Variants in SRGN observed in about 807,000 individuals in gnomAD.
SRGN encodes the protein serglycin, also known as hematopoetic proteoglycan core peptide.
SRGN carries 2 observed loss-of-function variants against 9.5 expected under a neutral mutation model. That is an observed-to-expected ratio of 0.21 (90% CI 0.09 to 0.66). The LOEUF is 0.66. Ranked by LOEUF, SRGN falls within the 30% of genes least tolerant of loss-of-function variation. The pLI, the probability that SRGN is intolerant of heterozygous loss-of-function variation, is 0.83. For missense variants in SRGN, 170 were observed against 192.4 expected (o/e 0.88, Z 0.69); for synonymous variants, 59 against 72.3 (o/e 0.82, Z 0.93).
chr10:69,088,131 A>C lies in SRGN; in HGVS notation c.-27A>C. The C allele has an allele frequency of 1.9e-6, 3 of 1,606,870 alleles. No homozygotes were observed. The highest frequency in any genetic ancestry group is 2.6e-6 in the Non-Finnish European group (3 of 1,173,530). ...TTTCCTAATCAAGAAGTTGGCGTGC[A>C]GCTGGGAGAGCTAGACTAAGTTGGT... On this transcript the variant is annotated 5_prime_UTR_variant, in exon 1 of 3. Transcript: ENST00000242465.
intron 2 of SRGN, among the ~76,000 whole-genome samples, chr10:69,099,371 T>C (rs1450133694): frequency 1.3e-5 from 2 of 151,120 alleles, no homozygotes; most frequent in East Asian, 3.9e-4. Context: ...AGTGGTGTGA[T>C]CATAGCTCAC....
chr10:69,102,242 A>T (rs1840308310), intron 2 of SRGN, among the ~76,000 whole-genome samples: 1 of 152,088 alleles, frequency 6.6e-6, no homozygotes, highest in African/African-American at 2.4e-5. Flanking sequence ...GACGACCTCC[A>T]TCGGTTGCAT....
chr10:69,088,587 G>A lies in SRGN; in HGVS notation c.79+351G>A, dbSNP rs902929791. 6.6e-5 allele frequency among the ~76,000 whole-genome samples: 10 copies of A among 152,174 alleles called. No homozygotes were observed. The East Asian group carries it at 1.7e-3, about 26-fold the overall frequency. On this transcript the variant is annotated intron_variant, in intron 1 of 2. Transcript: ENST00000242465. Reference sequence around the variant, plus strand: ...ATGGCACCTTTGACTGTTGGGGGGTGTCTGCCTACCCCTAAGTGTCTACAT... The same window carrying A: ...ATGGCACCTTTGACTGTTGGGGGGTATCTGCCTACCCCTAAGTGTCTACAT...
At chr10:69,095,304 T>G (rs949864432) in intron 1 of SRGN, among the ~76,000 whole-genome samples, 3 of 99,292 alleles carry the variant, frequency 3.0e-5, no homozygotes, top group African/African-American at 1.1e-4. Flanking sequence ...CGAGACTTCA[T>G]CTCAAAAAAA....
chr10:69,096,297 T>C (rs1840174606), intron 1 of SRGN, among the ~76,000 whole-genome samples: 1 of 152,220 alleles, frequency 6.6e-6, no homozygotes, highest in African/African-American at 2.4e-5. Flanking sequence ...AATTTTCTTT[T>C]GTGTAAAATT....
intron 1 of SRGN, among the ~76,000 whole-genome samples, chr10:69,092,462 G>A (rs116690384): frequency 0.011 from 1,633 of 152,212 alleles, 34 homozygotes; most frequent in African/African-American, 0.037. Context: ...TTGAGATAGT[G>A]TTCACATACC....
rs778190926 is a variant in SRGN, at chr10:69,088,112, A to G, written c.-46A>G. 1 of 1,541,534 alleles carries G rather than the reference A, an allele frequency of 6.5e-7. No homozygotes were observed. The highest frequency in any genetic ancestry group is 1.4e-5 in the African/African-American group (1 of 73,556). On this transcript the variant is annotated 5_prime_UTR_variant, in exon 1 of 3. Transcript: ENST00000242465. ...CAGAGAGCACCCTGCTACATTTCCT[A>G]ATCAAGAAGTTGGCGTGCAGCTGGG...
In SRGN at chr10:69,104,086, G is replaced by C; in HGVS notation, c.443G>C (p.Gly148Ala). Residue 148 changes from glycine to alanine, a missense_variant, in exon 3 of 3, where the codon GGT becomes GCT. Coordinates refer to ENST00000242465, the MANE Select transcript of SRGN (RefSeq NM_002727.4). ...RNLPSDSQDL[G>A]QHGLEEDFML is the part of the protein sequence containing the mutation. Reference sequence around the variant, plus strand: ...CTGCCCTCAGACAGCCAGGACTTGGGTCAACATGGATTAGAAGAGGATTTT... The same window carrying C: ...CTGCCCTCAGACAGCCAGGACTTGGCTCAACATGGATTAGAAGAGGATTTT... The C allele has an allele frequency of 6.2e-7, 1 of 1,614,164 alleles. No homozygotes were observed. Among genetic ancestry groups the C allele is most frequent in the East Asian group, 2.2e-5 (1 of 44,882 alleles).
At chr10:69,096,738 G>T (rs1222275144) in intron 1 of SRGN, among the ~76,000 whole-genome samples, 1 of 152,146 alleles carries the variant, frequency 6.6e-6, no homozygotes, top group East Asian at 1.9e-4. Context: ...CACACTGGGA[G>T]GCCAAGGCAG....
intron 2 of SRGN, among the ~76,000 whole-genome samples, chr10:69,099,550 C>T (rs1272733658): frequency 6.6e-6 from 1 of 152,018 alleles, no homozygotes; most frequent in Non-Finnish European, 1.5e-5. Context: ...AGCAGTCCTC[C>T]CACCTCAGCC....
At chr10:69,103,499 C>T (rs1056108645) in intron 2 of SRGN, among the ~76,000 whole-genome samples, 2 of 152,090 alleles carry the variant, frequency 1.3e-5, no homozygotes, top group African/African-American at 4.8e-5. Context: ...GCCGAGATGG[C>T]ACCACTGCAC....
chr10:69,091,632 A>G (rs374678826), intron 1 of SRGN, among the ~76,000 whole-genome samples: 1 of 152,130 alleles, frequency 6.6e-6, no homozygotes, highest in African/African-American at 2.4e-5. Context: ...TAGTCTTAGC[A>G]CTTTGGGAGA....
intron 1 of SRGN, among the ~76,000 whole-genome samples, chr10:69,091,902 A>G (rs1386727130): frequency 2.1e-4 from 19 of 90,430 alleles, no homozygotes; most frequent in East Asian, 3.3e-4. Flanking sequence ...AAAAAAAAAA[A>G]AAAAAAGAAA....
Position 69,103,943 on chromosome 10 carries a change from C to G in SRGN, c.300C>G (p.Ser100=), listed in dbSNP as rs4892. 1.3e-5 allele frequency: 21 copies of G among 1,614,116 alleles called. No individual in the cohort carries two copies. The South Asian group carries it at 2.3e-4, about 18-fold the overall frequency. ...SEDYSGSGFG[S]GSGSGSGSGS... The stretch of plus-strand genomic sequence containing the variant: ...ACTACTCTGGATCAGGCTTCGGCTC[C>G]GGCTCCGGCTCTGGATCAGGATCTG... The change falls in exon 3 of 3, where the codon TCC becomes TCG. Residue 100 remains serine, a synonymous_variant. Coordinates refer to ENST00000242465, the MANE Select transcript of SRGN (RefSeq NM_002727.4).
intron 2 of SRGN, among the ~76,000 whole-genome samples, chr10:69,101,850 C>T (rs1840298433): frequency 6.6e-6 from 1 of 152,130 alleles, no homozygotes; most frequent in South Asian, 2.1e-4. Flanking sequence ...AGTTCAGGAC[C>T]AGCCTGCCTG....
rs1839978280 is a variant in SRGN, at chr10:69,088,179, T to C, written c.22T>C (p.Cys8Arg). The change falls in exon 1 of 3, where the codon TGC becomes CGC. Residue 8 changes from cysteine (C) to arginine (R), a missense_variant. By Grantham distance (180) the Cys-to-Arg change is radical. Transcript: ENST00000242465. MMQKLLK[C>R]SRLVLALALI... ...GGTCATGATGCAGAAGCTACTCAAA[T>C]GCAGTCGGCTTGTCCTGGCTCTTGC... 3 of 1,614,094 alleles carry C rather than the reference T, an allele frequency of 1.9e-6. No individual in the cohort carries two copies. Among genetic ancestry groups the C allele is most frequent in the African/African-American group, 1.3e-5 (1 of 74,920 alleles).
chr10:69,092,912 G>A (rs1381628991), intron 1 of SRGN, among the ~76,000 whole-genome samples: 3 of 151,928 alleles, frequency 2.0e-5, no homozygotes, highest in Admixed American at 1.3e-4. Flanking sequence ...CCTTCGTTAC[G>A]AATTTTAATT....
At position 69,104,049 on chromosome 10, in the gene SRGN, C is replaced by T. The variant is rs1840346626; in HGVS notation, c.406C>T (p.Leu136Phe). ...TGCTTTCCATGACAACCTTAGGTCT[C>T]TTGACAGGAATCTGCCCTCAGACAG... ...SDAFHDNLRS[L>F]DRNLPSDSQD... Residue 136 changes from leucine (L) to phenylalanine (F), a missense_variant, in exon 3 of 3, where the codon CTT becomes TTT. Transcript: ENST00000242465. 8.7e-6 allele frequency: 14 copies of T among 1,614,182 alleles called. No individual in the cohort carries two copies. Among genetic ancestry groups the T allele is most frequent in the Admixed American group, 1.7e-5 (1 of 60,012 alleles).
At position 69,104,354 on chromosome 10, in the gene SRGN, C is replaced by T. The variant is rs555625137; in HGVS notation, c.*234C>T. ...CTGCATTTTTTGGTATCATGTTCAA[C>T]CAACATCATTATGAAATTAATTAGA... On this transcript the variant is annotated 3_prime_UTR_variant, in exon 3 of 3. Coordinates refer to ENST00000242465, the MANE Select transcript of SRGN (RefSeq NM_002727.4). 8.9e-6 allele frequency: 3 copies of T among 336,720 alleles called. No individual in the cohort carries two copies. The highest frequency in any genetic ancestry group is 6.5e-5 in the African/African-American group (3 of 46,362). 20.9% of individuals were successfully genotyped at this position (336,720 alleles called of 1,614,324 possible). A position where few individuals can be genotyped will look rare whatever the true frequency, so the allele number is the denominator to read the frequency against.
Sources: gnomAD v4.1 joint callset for allele counts (sites outside exome capture counted in the v4.1 genomes callset) on GRCh38, gnomAD v4.1.1 for gene constraint, MANE v1.5 for transcripts, NCBI Gene and HGNC (gene_info 2026-07-23, HGNC 2026-07-21) for gene names.